MINDY3: variants seen among roughly 807,000 people sequenced by gnomAD.
MINDY3 encodes MINDY lysine 48 deubiquitinase 3, also known as ubiquitin carboxyl-terminal hydrolase MINDY-3.
A neutral mutation model predicts 69.2 loss-of-function variants in MINDY3; 38 were observed. The observed-to-expected ratio is 0.55, with a 90% CI of 0.42 to 0.72. The LOEUF is 0.72. Ranked by LOEUF, MINDY3 falls within the 30% of genes least tolerant of loss-of-function variation. MINDY3 has a pLI of 0.00. For synonymous variants in MINDY3, 192 were observed against 180.1 expected, an observed-to-expected ratio of 1.07 and a Z score of -0.53; for missense variants, 522 against 519.0, an observed-to-expected ratio of 1.01 and a Z score of -0.06.
intron 1 of MINDY3, among the ~76,000 whole-genome samples, chr10:15,859,115 G>T (rs1021739162): frequency 6.6e-6 from 1 of 152,128 alleles, no homozygotes; most frequent in African/African-American, 2.4e-5. Flanking sequence ...GCAACAGTGA[G>T]GGACTAAATA....
At chr10:15,860,087 G>C in intron 1 of MINDY3, 119 bp downstream of exon 1, 2 of 746,458 alleles carry the variant, frequency 2.7e-6, no homozygotes, top group Non-Finnish European at 4.6e-6. Context: ...TCAGCGCTGA[G>C]CACGGCGACT....
intron 11 of MINDY3, among the ~76,000 whole-genome samples, chr10:15,795,391 AAAGAT>A (rs1314586397): frequency 3.3e-5 from 5 of 152,084 alleles, no homozygotes; most frequent in Admixed American, 6.6e-5. Context: ...AGAAGAAAGT[AAAGAT>A]AACTGAATCC....
intron 4 of MINDY3, among the ~76,000 whole-genome samples, chr10:15,840,411 C>G (rs1318696106): frequency 6.6e-6 from 1 of 151,574 alleles, no homozygotes; most frequent in African/African-American, 2.4e-5. Context: ...AATGTTACTA[C>G]TATTAGAATT....
At chr10:15,845,500 T>TC (rs1178379691) in intron 2 of MINDY3, among the ~76,000 whole-genome samples, 2 of 152,194 alleles carry the variant, frequency 1.3e-5, no homozygotes, top group East Asian at 1.9e-4. Context: ...TTTACGTGAC[T>TC]CTTTTTTTTC....
intron 10 of MINDY3, among the ~76,000 whole-genome samples, chr10:15,796,586 T>C (rs916274300): frequency 6.6e-6 from 1 of 151,926 alleles, no homozygotes; most frequent in African/African-American, 2.4e-5. Context: ...TTTTCAAATA[T>C]TCGAAAATAA....
intron 10 of MINDY3, among the ~76,000 whole-genome samples, chr10:15,804,162 G>A (rs1190530697): frequency 6.6e-6 from 1 of 151,978 alleles, no homozygotes; most frequent in East Asian, 1.9e-4. Context: ...GGTCAACAGG[G>A]ATTGCAAAAC....
chr10:15,796,729 A>C (rs2131885270), intron 10 of MINDY3, among the ~76,000 whole-genome samples: 1 of 152,146 alleles, frequency 6.6e-6, no homozygotes, highest in Admixed American at 6.6e-5. Context: ...AACTCAAAGG[A>C]AACACCCTAG....
At chr10:15,803,496 T>TA (rs1421134816) in intron 10 of MINDY3, among the ~76,000 whole-genome samples, 2 of 152,250 alleles carry the variant, frequency 1.3e-5, no homozygotes, top group East Asian at 3.9e-4. Flanking sequence ...ATGGTTTAGT[T>TA]AGAAGGAATG....
chr10:15,809,577 A>G (rs1222780132), intron 10 of MINDY3, among the ~76,000 whole-genome samples: 2 of 152,086 alleles, frequency 1.3e-5, no homozygotes, highest in African/African-American at 2.4e-5. Flanking sequence ...CGTACTTAAT[A>G]GGAATTAAGT....
chr10:15,797,399 G>A (rs1331769254), intron 10 of MINDY3, among the ~76,000 whole-genome samples: 2 of 152,052 alleles, frequency 1.3e-5, no homozygotes, highest in African/African-American at 2.4e-5. Flanking sequence ...AAACTTCTTA[G>A]GCTCACCCTT....
chr10:15,792,045 T>A (rs1837462185), intron 11 of MINDY3, among the ~76,000 whole-genome samples: 1 of 152,080 alleles, frequency 6.6e-6, no homozygotes, highest in Admixed American at 6.6e-5. Flanking sequence ...TGAAGCCCAC[T>A]GTACTTGAGA....
intron 8 of MINDY3, among the ~76,000 whole-genome samples, chr10:15,822,565 G>C (rs1399137846): frequency 1.3e-5 from 2 of 152,156 alleles, no homozygotes; most frequent in Non-Finnish European, 2.9e-5. Context: ...GGTCTGGGGG[G>C]ACATGATAAA....
chr10:15,853,926 C>G (rs1185415570), intron 1 of MINDY3, among the ~76,000 whole-genome samples: 1 of 152,092 alleles, frequency 6.6e-6, no homozygotes, highest in Non-Finnish European at 1.5e-5. Context: ...TACTGTGACT[C>G]TGACAGCTTC....
chr10:15,843,108 C>G, intron 3 of MINDY3, 104 bp downstream of exon 3: 1 of 928,712 alleles, frequency 1.1e-6, no homozygotes, highest in Non-Finnish European at 1.7e-6. Flanking sequence ...AAGGAAACCT[C>G]AGGAAAAAAA....
intron 13 of MINDY3, 158 bp from the exon 14 acceptor site, chr10:15,782,384 C>G: frequency 1.8e-6 from 1 of 560,426 alleles, no homozygotes; most frequent in South Asian, 2.6e-5. Flanking sequence ...TTGTAACTAC[C>G]AGAAAGCCCT....
In MINDY3 at chr10:15,843,710, T is replaced by C. The variant is rs2132098338; in HGVS notation, c.175-438A>G. 1.3e-5 allele frequency among the ~76,000 whole-genome samples: 2 copies of C among 152,216 alleles called. 1 individual carries two copies. The highest frequency in any genetic ancestry group is 3.9e-4 in the East Asian group (2 of 5,192). On this transcript the variant is annotated intron_variant, in intron 2 of 14. Transcript: ENST00000277632. ...TTCATCTGTGACACAAGATTAACAC[T>C]ATTAGAGTCATCACTTTATTATCAG...
Position 15,816,828 on chromosome 10 carries a change from A to C in MINDY3, c.882+7T>G, listed in dbSNP as rs1839404150. 2 of 1,603,620 alleles carry C rather than the reference A, an allele frequency of 1.2e-6. No individual in the cohort carries two copies. Among genetic ancestry groups the C allele is most frequent in the South Asian group, 2.2e-5 (2 of 90,620 alleles). ...TAACTTAAAAAAAAATCCTGCTATA[A>C]GCATACCTTGGCAAAAAATACGGTG... is the stretch of plus-strand genomic sequence containing the variant. On this transcript the variant is annotated splice_region_variant and intron_variant, in intron 10 of 14. Transcript: ENST00000277632.
chr10:15,841,676 G>A (rs1833481303), intron 3 of MINDY3, 77 bp from the exon 4 acceptor site: 2 of 851,020 alleles, frequency 2.4e-6, no homozygotes, highest in Middle Eastern at 2.3e-4. Flanking sequence ...ACAATAGTAA[G>A]AATGGGTTAA....
chr10:15,813,369 C>T (rs1188673577), intron 10 of MINDY3, among the ~76,000 whole-genome samples: 1 of 152,072 alleles, frequency 6.6e-6, no homozygotes, highest in Non-Finnish European at 1.5e-5. Flanking sequence ...ATGCTCTTTC[C>T]CCTCTCTTCC....
Sources: gnomAD v4.1 joint callset for allele counts (sites outside exome capture counted in the v4.1 genomes callset) on GRCh38, gnomAD v4.1.1 for gene constraint, MANE v1.5 for transcripts, NCBI Gene and HGNC (gene_info 2026-07-23, HGNC 2026-07-21) for gene names.